Variants in CADM2 observed in about 807,000 individuals in gnomAD.
CADM2 encodes the protein cell adhesion molecule 2, also known as immunoglobulin superfamily member 4D.
Under a neutral mutation model 49.8 loss-of-function variants are expected in CADM2, and 12 were observed. That is an observed-to-expected ratio of 0.24 (90% CI 0.15 to 0.39). CADM2 has a LOEUF of 0.39. Ranked by LOEUF, CADM2 falls within the 10% of genes least tolerant of loss-of-function variation. The pLI is 1.00. For missense variants in CADM2, 378 were observed against 492.3 expected (o/e 0.77, Z 2.20); for synonymous variants, 214 against 175.4 (o/e 1.22, Z -1.74).
intron 1 of CADM2, among the ~76,000 whole-genome samples, chr3:85,325,239 G>A (rs2044718044): frequency 6.6e-6 from 1 of 152,128 alleles, no homozygotes; most frequent in African/African-American, 2.4e-5. Flanking sequence ...TCCATAAATT[G>A]TTTTGAGAAT....
chr3:85,349,173 A>C (rs761823769), intron 1 of CADM2, among the ~76,000 whole-genome samples: 1 of 152,210 alleles, frequency 6.6e-6, no homozygotes, highest in Non-Finnish European at 1.5e-5. Context: ...AATTGCTCTC[A>C]TAAGAGTCCA....
intron 8 of CADM2, among the ~76,000 whole-genome samples, chr3:86,054,019 CTG>C (rs1737633294): frequency 6.6e-6 from 1 of 151,938 alleles, no homozygotes; most frequent in Non-Finnish European, 1.5e-5. Context: ...AGTAACATAT[CTG>C]TCATATAGCT....
chr3:85,431,138 G>T (rs73843605), intron 1 of CADM2, among the ~76,000 whole-genome samples: 1 of 152,166 alleles, frequency 6.6e-6, no homozygotes, highest in Non-Finnish European at 1.5e-5. Context: ...ACAATGTTCA[G>T]TACAATAACA....
intron 2 of CADM2, among the ~76,000 whole-genome samples, chr3:85,769,764 A>T (rs1577269367): frequency 6.6e-6 from 1 of 150,802 alleles, no homozygotes; most frequent in Admixed American, 6.7e-5. Flanking sequence ...ATTTTAACAG[A>T]TGACAATGCT....
intron 2 of CADM2, among the ~76,000 whole-genome samples, chr3:85,787,931 C>T (rs2071091776): frequency 6.6e-6 from 1 of 152,138 alleles, no homozygotes; most frequent in African/African-American, 2.4e-5. Flanking sequence ...TTTCCTGCCT[C>T]TAGCTCAGGA....
Position 86,070,941 on chromosome 3 carries a change from G to A in CADM2, c.*4158G>A, listed in dbSNP as rs1298073609. ...TGCAATATCTGCAGTTCTATTGCTG[G>A]ATACTTAATGCAAAGGGATTTTAAA... On this transcript the variant is annotated 3_prime_UTR_variant, in exon 10 of 10. Transcript: ENST00000383699. 1 of 151,828 alleles carries A rather than the reference G, an allele frequency of 6.6e-6. No homozygotes were observed. The highest frequency in any genetic ancestry group is 1.5e-5 in the Non-Finnish European group (1 of 67,804). The allele number at this position is 151,828 out of a possible 1,614,324, so 9.4% of individuals were successfully genotyped here.
chr3:84,973,980 A>G (rs2031644530), intron 1 of CADM2, among the ~76,000 whole-genome samples: 1 of 152,310 alleles, frequency 6.6e-6, no homozygotes, highest in African/African-American at 2.4e-5. Flanking sequence ...AGAAGTTTAA[A>G]AATAAAATGA....
intron 1 of CADM2, among the ~76,000 whole-genome samples, chr3:85,148,806 C>G (rs989363498): frequency 2.3e-4 from 35 of 151,990 alleles, no homozygotes; most frequent in South Asian, 6.2e-4. Flanking sequence ...AGTATATTTA[C>G]TATTCATTAA....
chr3:85,084,738 T>G (rs893089771), intron 1 of CADM2, among the ~76,000 whole-genome samples: 3 of 152,310 alleles, frequency 2.0e-5, no homozygotes, highest in East Asian at 1.9e-4. Flanking sequence ...TGACTAGCAT[T>G]TATTGCTTAA....
chr3:85,708,484 G>C (rs1481222330), intron 1 of CADM2, among the ~76,000 whole-genome samples: 1 of 152,002 alleles, frequency 6.6e-6, no homozygotes, highest in Non-Finnish European at 1.5e-5. Context: ...TATCCTAATG[G>C]GTGGTTTGCT....
At chr3:85,903,793 C>T (rs142502977) in intron 5 of CADM2, among the ~76,000 whole-genome samples, 2 of 152,208 alleles carry the variant, frequency 1.3e-5, no homozygotes, top group African/African-American at 2.4e-5. Flanking sequence ...CCCAGTGATT[C>T]CCCTTCACTA....
intron 1 of CADM2, among the ~76,000 whole-genome samples, chr3:85,631,562 TAAGAG>T (rs1176079576): frequency 6.6e-6 from 1 of 152,138 alleles, no homozygotes; most frequent in Admixed American, 6.6e-5. Context: ...AAAATATAGA[TAAGAG>T]AAATCAGAAG....
chr3:85,848,616 A>C (rs1340967275), intron 3 of CADM2, among the ~76,000 whole-genome samples: 1 of 152,176 alleles, frequency 6.6e-6, no homozygotes, highest in Non-Finnish European at 1.5e-5. Context: ...GTGTTAGTAC[A>C]TGGTTCACTT....
chr3:85,900,564 T>G (rs1715980489), intron 5 of CADM2, among the ~76,000 whole-genome samples: 1 of 152,214 alleles, frequency 6.6e-6, no homozygotes, highest in Non-Finnish European at 1.5e-5. Context: ...TTTTACTTAG[T>G]GTCAAGGAAT....
chr3:84,985,569 A>T (rs2032503112), intron 1 of CADM2, among the ~76,000 whole-genome samples: 1 of 152,164 alleles, frequency 6.6e-6, no homozygotes, highest in Non-Finnish European at 1.5e-5. Context: ...TAATGAAGAG[A>T]GAACAAGAAA....
intron 1 of CADM2, among the ~76,000 whole-genome samples, chr3:85,176,324 A>G (rs931798522): frequency 1.3e-5 from 2 of 152,040 alleles, no homozygotes; most frequent in African/African-American, 4.8e-5. Context: ...CTTTCTTTTG[A>G]TATTTATGTT....
At chr3:85,846,787 A>C (rs958031454) in intron 3 of CADM2, among the ~76,000 whole-genome samples, 1 of 152,178 alleles carries the variant, frequency 6.6e-6, no homozygotes, top group African/African-American at 2.4e-5. Context: ...GTTTGAGCCC[A>C]GGAGTTCAAG....
intron 5 of CADM2, among the ~76,000 whole-genome samples, chr3:85,887,007 T>A (rs1713753941): frequency 6.6e-6 from 1 of 152,222 alleles, no homozygotes; most frequent in Admixed American, 6.5e-5. Flanking sequence ...CACTGTAATA[T>A]GTATTATTTT....
intron 1 of CADM2, among the ~76,000 whole-genome samples, chr3:85,068,781 A>ATTT (rs5850664): frequency 6.7e-6 from 1 of 149,186 alleles, no homozygotes; most frequent in African/African-American, 2.5e-5. Flanking sequence ...TATTTATTTA[A>ATTT]TTTTTTTTTT....
Sources: gnomAD v4.1 joint callset for allele counts (sites outside exome capture counted in the v4.1 genomes callset) on GRCh38, gnomAD v4.1.1 for gene constraint, MANE v1.5 for transcripts, NCBI Gene and HGNC (gene_info 2026-07-23, HGNC 2026-07-21) for gene names.